Variants in NKAIN3 observed in about 807,000 individuals in gnomAD.
NKAIN3 encodes the protein sodium/potassium transporting ATPase interacting 3.
A neutral mutation model predicts 30.2 loss-of-function variants in NKAIN3; 25 were observed. The ratio of observed to expected loss-of-function variants is 0.83; its 90% CI spans 0.60 to 1.16. The LOEUF (loss-of-function observed/expected upper bound fraction) is 1.16, where lower values mean the gene tolerates loss of function less well. NKAIN3 is among the 50% of genes most tolerant of loss of function. The pLI is 0.00. For missense variants in NKAIN3, 225 were observed against 254.1 expected, an observed-to-expected ratio of 0.89 and a Z score of 0.78; for synonymous variants, 91 against 89.6, an observed-to-expected ratio of 1.02 and a Z score of -0.09.
chr8:62,592,430 G>A (rs553754485), intron 3 of NKAIN3, among the ~76,000 whole-genome samples: 32 of 152,082 alleles, frequency 2.1e-4, no homozygotes, highest in African/African-American at 7.7e-4. Flanking sequence ...TAACATTTAA[G>A]ACTATAGAAA....
At position 62,928,488 on chromosome 8, in the gene NKAIN3, T is replaced by C. The variant is rs950164719; in HGVS notation, c.532+9975T>C. ...TCATTTAATACCACCTTCAGCGATA[T>C]CATGACAGCTATGTACAAGCTTGTG... On this transcript the variant is annotated intron_variant, in intron 5 of 6. Coordinates refer to ENST00000623646, the MANE Select transcript of NKAIN3 (RefSeq NM_001304533.3). Among the ~76,000 whole-genome samples the C allele has an allele frequency of 3.9e-5, 6 of 152,334 alleles. No individual in the cohort carries two copies. In the South Asian group the frequency reaches 1.2e-3, roughly 32 times the overall value.
At chr8:62,929,885 T>A (rs2130870016) in intron 5 of NKAIN3, among the ~76,000 whole-genome samples, 1 of 152,296 alleles carries the variant, frequency 6.6e-6, no homozygotes, top group African/African-American at 2.4e-5. Flanking sequence ...TCATTAGTGT[T>A]AGCTTATTTT....
At chr8:62,727,421 T>C (rs765809222) in intron 3 of NKAIN3, among the ~76,000 whole-genome samples, 5 of 152,092 alleles carry the variant, frequency 3.3e-5, no homozygotes, top group Admixed American at 1.3e-4. Flanking sequence ...TGTTCACAGA[T>C]GCCATGGTCA....
At chr8:62,557,437 G>T (rs763600678) in intron 1 of NKAIN3, among the ~76,000 whole-genome samples, 1 of 151,974 alleles carries the variant, frequency 6.6e-6, no homozygotes, top group Non-Finnish European at 1.5e-5. Context: ...GGGATTGCTG[G>T]ATCAAATAGC....
intron 1 of NKAIN3, among the ~76,000 whole-genome samples, chr8:62,377,790 G>GT (rs1312626090): frequency 6.6e-6 from 1 of 152,140 alleles, no homozygotes; most frequent in Non-Finnish European, 1.5e-5. Context: ...CGCCATGGTT[G>GT]TAAGTTTCTT....
intron 1 of NKAIN3, among the ~76,000 whole-genome samples, chr8:62,335,897 G>A (rs1365498226): frequency 6.6e-6 from 1 of 151,834 alleles, no homozygotes; most frequent in African/African-American, 2.4e-5. Context: ...CTTTTTTGCT[G>A]GAACTTAGGG....
At chr8:62,961,284 A>C (rs7846151) in intron 6 of NKAIN3, among the ~76,000 whole-genome samples, 1 of 150,726 alleles carries the variant, frequency 6.6e-6, no homozygotes, top group East Asian at 2.0e-4. Flanking sequence ...TGTCTCAAAA[A>C]AAAAAAAAAA....
At chr8:62,460,581 A>T (rs1805970942) in intron 1 of NKAIN3, among the ~76,000 whole-genome samples, 1 of 152,128 alleles carries the variant, frequency 6.6e-6, no homozygotes, top group South Asian at 2.1e-4. Context: ...CTTGAGTCCC[A>T]TTCCCTGCTC....
chr8:62,273,108 G>A (rs1214569829), intron 1 of NKAIN3, among the ~76,000 whole-genome samples: 1 of 152,188 alleles, frequency 6.6e-6, no homozygotes, highest in Non-Finnish European at 1.5e-5. Context: ...GAAACAGATA[G>A]TAGGATATAT....
chr8:62,401,167 C>T (rs143248436), intron 1 of NKAIN3, among the ~76,000 whole-genome samples: 1 of 151,988 alleles, frequency 6.6e-6, no homozygotes, highest in Non-Finnish European at 1.5e-5. Flanking sequence ...CACATAGCCT[C>T]TCTTCAAATT....
At chr8:62,825,314 T>G (rs1212571462) in intron 4 of NKAIN3, among the ~76,000 whole-genome samples, 1 of 152,216 alleles carries the variant, frequency 6.6e-6, no homozygotes, top group Non-Finnish European at 1.5e-5. Flanking sequence ...AGATCAAAAG[T>G]ATCTTTTATT....
chr8:62,958,252 C>T (rs555661356), intron 6 of NKAIN3, among the ~76,000 whole-genome samples: 1 of 152,092 alleles, frequency 6.6e-6, no homozygotes, highest in South Asian at 2.1e-4. Flanking sequence ...CCTAAGAGAC[C>T]TGCAGCAGCC....
intron 4 of NKAIN3, among the ~76,000 whole-genome samples, chr8:62,815,461 A>C (rs541241715): frequency 6.6e-6 from 1 of 152,318 alleles, no homozygotes; most frequent in East Asian, 1.9e-4. Context: ...CATTGATGCA[A>C]AAATCCTCAA....
chr8:62,716,869 G>C (rs1215008370), intron 3 of NKAIN3, among the ~76,000 whole-genome samples: 1 of 152,138 alleles, frequency 6.6e-6, no homozygotes, highest in Non-Finnish European at 1.5e-5. Context: ...GATGAGGTGG[G>C]AGGATCACTT....
chr8:62,414,858 A>G (rs1804380157), intron 1 of NKAIN3, among the ~76,000 whole-genome samples: 1 of 151,572 alleles, frequency 6.6e-6, no homozygotes, highest in Non-Finnish European at 1.5e-5. Flanking sequence ...ATATTATCAG[A>G]GTGAAAATTC....
At chr8:62,919,906 G>GA (rs1822226910) in intron 5 of NKAIN3, among the ~76,000 whole-genome samples, 1 of 52,286 alleles carries the variant, frequency 1.9e-5, no homozygotes, top group Non-Finnish European at 3.1e-5. Flanking sequence ...CTTACACAGA[G>GA]TTTTTTTTTT....
chr8:62,765,945 A>G (rs1816823839), intron 4 of NKAIN3, among the ~76,000 whole-genome samples: 1 of 152,196 alleles, frequency 6.6e-6, no homozygotes, highest in Non-Finnish European at 1.5e-5. Context: ...AATTTTATCA[A>G]ATCAAGCCAG....
chr8:62,850,668 A>C (rs1205264426), intron 4 of NKAIN3, among the ~76,000 whole-genome samples: 4 of 148,256 alleles, frequency 2.7e-5, no homozygotes, highest in African/African-American at 9.8e-5. Flanking sequence ...TCAGCTTTCC[A>C]CATATGGCTA....
intron 5 of NKAIN3, among the ~76,000 whole-genome samples, chr8:62,937,295 G>A (rs58123641): frequency 0.012 from 1,901 of 152,224 alleles, 55 homozygotes; most frequent in African/African-American, 0.044. Context: ...AATTCGTAGA[G>A]CCTTTGAAAG....
Sources: allele counts gnomAD v4.1 joint callset (sites outside exome capture counted in the v4.1 genomes callset), GRCh38; gene constraint gnomAD v4.1.1; transcripts MANE v1.5; gene names NCBI Gene and HGNC (gene_info 2026-07-23, HGNC 2026-07-21).